The following DPP10 variants were observed in gnomAD, a reference collection of about 807,000 sequenced individuals.
DPP10 encodes the protein dipeptidyl peptidase like 10, also known as inactive dipeptidyl peptidase 10.
DPP10 carries 33 observed loss-of-function variants against 120.9 expected under a neutral mutation model. That is an observed-to-expected ratio of 0.27 (90% CI 0.21 to 0.37). The LOEUF (loss-of-function observed/expected upper bound fraction) is 0.37. Among genes scored for constraint, DPP10 ranks in the 10% least tolerant of loss-of-function variants. DPP10 has a pLI of 1.00. For synonymous variants in DPP10, 337 were observed against 326.1 expected (o/e 1.03, Z -0.36); for missense variants, 816 against 942.8 (o/e 0.87, Z 1.76).
intron 5 of DPP10, among the ~76,000 whole-genome samples, chr2:115,627,991 T>C (rs1558946293): frequency 6.6e-6 from 1 of 152,196 alleles, no homozygotes; most frequent in Non-Finnish European, 1.5e-5. Flanking sequence ...CATGCATGTA[T>C]CCCAGTAATG....
chr2:115,798,260 A>C (rs1444127595), intron 19 of DPP10, among the ~76,000 whole-genome samples: 2 of 151,982 alleles, frequency 1.3e-5, no homozygotes, highest in Admixed American at 6.6e-5. Context: ...TCATATTGAA[A>C]TCAGTCTCTT....
At chr2:114,916,771 C>G (rs934533391) in intron 1 of DPP10, among the ~76,000 whole-genome samples, 11 of 152,108 alleles carry the variant, frequency 7.2e-5, no homozygotes, top group African/African-American at 2.7e-4. Flanking sequence ...CATTCCACAT[C>G]CCTTCATGAT....
At chr2:115,605,870 ATAAACT>A (rs150391640) in intron 5 of DPP10, among the ~76,000 whole-genome samples, 2,811 of 152,232 alleles carry the variant, frequency 0.018, 92 homozygotes, top group African/African-American at 0.064. Flanking sequence ...GAATTGTCAA[ATAAACT>A]TTAACAAGTT....
intron 5 of DPP10, among the ~76,000 whole-genome samples, chr2:115,664,552 C>T (rs1243167248): frequency 1.3e-5 from 2 of 151,784 alleles, no homozygotes; most frequent in Non-Finnish European, 2.9e-5. Context: ...AAAATGGGGG[C>T]AAGTACTGGG....
intron 1 of DPP10, among the ~76,000 whole-genome samples, chr2:114,867,278 T>C (rs1690315796): frequency 6.6e-6 from 1 of 152,174 alleles, no homozygotes; most frequent in Non-Finnish European, 1.5e-5. Flanking sequence ...TTGAGCATCT[T>C]ATTCAATACA....
intron 1 of DPP10, among the ~76,000 whole-genome samples, chr2:114,701,355 C>A (rs1700374972): frequency 6.6e-6 from 1 of 152,036 alleles, no homozygotes; most frequent in Admixed American, 6.6e-5. Flanking sequence ...TGTACATCAT[C>A]CATGTCACAC....
chr2:115,378,490 A>G (rs986487288), intron 3 of DPP10, among the ~76,000 whole-genome samples: 3 of 151,778 alleles, frequency 2.0e-5, no homozygotes, highest in Non-Finnish European at 4.4e-5. Flanking sequence ...GAATCATGTC[A>G]TCTGCAAACA....
At chr2:114,694,332 T>C (rs536954458) in intron 1 of DPP10, among the ~76,000 whole-genome samples, 1 of 152,054 alleles carries the variant, frequency 6.6e-6, no homozygotes, top group East Asian at 1.9e-4. Context: ...AACATCTCCG[T>C]AGAGAAAATA....
At chr2:114,873,740 C>T (rs985326821) in intron 1 of DPP10, among the ~76,000 whole-genome samples, 5 of 152,068 alleles carry the variant, frequency 3.3e-5, no homozygotes, top group African/African-American at 7.2e-5. Context: ...ACCACGTTAA[C>T]GTACATGCCC....
At chr2:115,354,343 C>T (rs1166681100) in intron 3 of DPP10, among the ~76,000 whole-genome samples, 1 of 152,182 alleles carries the variant, frequency 6.6e-6, no homozygotes, top group Non-Finnish European at 1.5e-5. Context: ...CCTACCCCCT[C>T]TTATTTTCAC....
chr2:115,808,790 A>C (rs1686308261), intron 19 of DPP10, among the ~76,000 whole-genome samples: 2 of 152,338 alleles, frequency 1.3e-5, no homozygotes, highest in South Asian at 4.1e-4. Flanking sequence ...AGTACAAGTG[A>C]TTTGGAGGTT....
chr2:115,404,933 G>A (rs2068398279), intron 3 of DPP10, among the ~76,000 whole-genome samples: 1 of 152,102 alleles, frequency 6.6e-6, no homozygotes, highest in Non-Finnish European at 1.5e-5. Context: ...GTGCCACATT[G>A]GGGAACATGG....
intron 3 of DPP10, among the ~76,000 whole-genome samples, chr2:115,417,003 TC>T (rs1471603726): frequency 6.6e-6 from 1 of 152,174 alleles, no homozygotes; most frequent in African/African-American, 2.4e-5. Context: ...TTATAATATT[TC>T]AGAGATGTGT....
intron 19 of DPP10, among the ~76,000 whole-genome samples, chr2:115,805,123 A>C (rs1685766009): frequency 6.6e-6 from 1 of 152,086 alleles, no homozygotes; most frequent in South Asian, 2.1e-4. Flanking sequence ...CTCAAGCCTC[A>C]GCAATGGCAG....
At chr2:115,588,426 C>T (rs1307651654) in intron 5 of DPP10, among the ~76,000 whole-genome samples, 2 of 152,154 alleles carry the variant, frequency 1.3e-5, no homozygotes, top group Non-Finnish European at 2.9e-5. Context: ...AATACAGAGG[C>T]TTCATAACGG....
chr2:115,141,661 G>A (rs2050933716), intron 1 of DPP10, among the ~76,000 whole-genome samples: 1 of 152,208 alleles, frequency 6.6e-6, no homozygotes, highest in African/African-American at 2.4e-5. Flanking sequence ...AATTTTAGGA[G>A]TGTAAGCTTT....
At chr2:114,506,406 C>G (rs558803122) in intron 1 of DPP10, among the ~76,000 whole-genome samples, 107 of 152,248 alleles carry the variant, frequency 7.0e-4, no homozygotes, top group African/African-American at 2.2e-3. Flanking sequence ...CTGCACTTAC[C>G]ATCTCCAATT....
At chr2:114,783,388 A>G (rs1031643208) in intron 1 of DPP10, among the ~76,000 whole-genome samples, 1 of 152,162 alleles carries the variant, frequency 6.6e-6, no homozygotes, top group African/African-American at 2.4e-5. Context: ...CTCTTAACAC[A>G]TTTTCACCCT....
chr2:115,499,845 T>C (rs1013617412), intron 4 of DPP10, among the ~76,000 whole-genome samples: 1 of 152,024 alleles, frequency 6.6e-6, no homozygotes, highest in Non-Finnish European at 1.5e-5. Flanking sequence ...AAAATAGTAG[T>C]TGCTTAGAAA....
Sources: gnomAD v4.1 joint callset for allele counts (sites outside exome capture counted in the v4.1 genomes callset) on GRCh38, gnomAD v4.1.1 for gene constraint, MANE v1.5 for transcripts, NCBI Gene and HGNC (gene_info 2026-07-23, HGNC 2026-07-21) for gene names.